Variants in CACNA2D3 observed in about 807,000 individuals in gnomAD.
CACNA2D3 encodes the protein calcium voltage-gated channel auxiliary subunit alpha2delta 3.
In CACNA2D3, 60 loss-of-function variants were observed where a neutral mutation model predicts 160.6. The observed-to-expected ratio is 0.37, with a 90% CI of 0.30 to 0.46. The LOEUF (loss-of-function observed/expected upper bound fraction) is 0.46. Among genes scored for constraint, CACNA2D3 ranks in the 20% least tolerant of loss-of-function variants. CACNA2D3 has a pLI of 1.00. For missense variants in CACNA2D3, 1,205 were observed against 1,365.0 expected, an observed-to-expected ratio of 0.88 and a Z score of 1.85; for synonymous variants, 558 against 492.9, an observed-to-expected ratio of 1.13 and a Z score of -1.75.
chr3:54,435,067 T>C (rs1700040698), intron 4 of CACNA2D3, among the ~76,000 whole-genome samples: 1 of 152,148 alleles, frequency 6.6e-6, no homozygotes, highest in Non-Finnish European at 1.5e-5. Context: ...ATGCCTTTTA[T>C]AGTATACTAC....
intron 5 of CACNA2D3, among the ~76,000 whole-genome samples, chr3:54,542,764 C>T (rs1702001339): frequency 6.6e-6 from 1 of 152,108 alleles, no homozygotes; most frequent in Non-Finnish European, 1.5e-5. Context: ...AGCCCACTGA[C>T]TCAAAATGTT....
intron 20 of CACNA2D3, among the ~76,000 whole-genome samples, chr3:54,880,460 A>C (rs1197411846): frequency 6.6e-6 from 1 of 152,180 alleles, no homozygotes; most frequent in Non-Finnish European, 1.5e-5. Context: ...AATGCAGGAC[A>C]AGGGTGTATA....
intron 14 of CACNA2D3, among the ~76,000 whole-genome samples, chr3:54,822,828 TTTCTTTTCTTTC>T (rs1703664691): frequency 1.2e-5 from 1 of 85,024 alleles, no homozygotes; most frequent in Non-Finnish European, 2.3e-5. Context: ...TCTTTCTTTC[TTTCTTTTCTTTC>T]TTTCTTTCTT....
At chr3:55,023,155 G>T (rs1056283856) in intron 35 of CACNA2D3, among the ~76,000 whole-genome samples, 1 of 152,106 alleles carries the variant, frequency 6.6e-6, no homozygotes, top group Non-Finnish European at 1.5e-5. Flanking sequence ...ATATTTTGAA[G>T]ATATTCCATT....
chr3:54,720,184 CT>C (rs942083049), intron 11 of CACNA2D3, among the ~76,000 whole-genome samples: 3 of 151,546 alleles, frequency 2.0e-5, no homozygotes, highest in Non-Finnish European at 4.4e-5. Flanking sequence ...TAAATTTGAC[CT>C]TTTTTTAGCT....
chr3:54,280,449 G>A (rs890393314), intron 2 of CACNA2D3, among the ~76,000 whole-genome samples: 2 of 152,112 alleles, frequency 1.3e-5, no homozygotes, highest in East Asian at 3.9e-4. Context: ...TGCTGGTGGG[G>A]AGTAGGCAGA....
intron 2 of CACNA2D3, among the ~76,000 whole-genome samples, chr3:54,151,783 C>T (rs1005375063): frequency 2.0e-5 from 3 of 152,186 alleles, no homozygotes; most frequent in Non-Finnish European, 4.4e-5. Flanking sequence ...AGGTGTCATA[C>T]ACAAAGCTAC....
At chr3:54,616,702 A>G (rs1698857967) in intron 9 of CACNA2D3, among the ~76,000 whole-genome samples, 1 of 152,200 alleles carries the variant, frequency 6.6e-6, no homozygotes, top group Non-Finnish European at 1.5e-5. Context: ...TTCTAATATA[A>G]AAAGTTTCTG....
intron 2 of CACNA2D3, among the ~76,000 whole-genome samples, chr3:54,192,255 T>C (rs1489413601): frequency 6.6e-6 from 1 of 152,206 alleles, no homozygotes; most frequent in Admixed American, 6.5e-5. Context: ...ACACAAGTGA[T>C]GTGTTTTGAC....
At chr3:54,928,293 T>C (rs1466499212) in intron 27 of CACNA2D3, among the ~76,000 whole-genome samples, 3 of 152,164 alleles carry the variant, frequency 2.0e-5, no homozygotes, top group Non-Finnish European at 4.4e-5. Flanking sequence ...TGCCTCGGCC[T>C]TTTTGATTAT....
chr3:54,584,568 A>C (rs944800876), intron 9 of CACNA2D3, among the ~76,000 whole-genome samples: 3 of 152,204 alleles, frequency 2.0e-5, no homozygotes, highest in Admixed American at 2.0e-4. Context: ...CATTAATTAC[A>C]TCAAAGTCAT....
intron 12 of CACNA2D3, among the ~76,000 whole-genome samples, chr3:54,761,223 C>G (rs575756599): frequency 3.9e-4 from 59 of 152,260 alleles, no homozygotes; most frequent in Admixed American, 1.1e-3. Flanking sequence ...AGAACTCCTA[C>G]AAGATCCTGT....
rs1379925673 is a variant in CACNA2D3, at chr3:54,763,722, T to C, written c.1247-496T>C. Among the ~76,000 whole-genome samples, 2 of 121,366 alleles carry C rather than the reference T, an allele frequency of 1.6e-5. 1 individual carries two copies. The highest frequency in any genetic ancestry group is 3.7e-5 in the Non-Finnish European group (2 of 54,766). The allele number at this position is 121,366 out of a possible 152,430, so 79.6% of individuals were successfully genotyped here. On this transcript the variant is annotated intron_variant, in intron 12 of 37. Coordinates refer to ENST00000474759, the MANE Select transcript of CACNA2D3 (RefSeq NM_018398.3). Reference sequence around the variant, plus strand: ...GTATATATGTATATATATGTACATATATACATATATATGTGTATATATGTG... The same window carrying C: ...GTATATATGTATATATATGTACATACATACATATATATGTGTATATATGTG...
chr3:54,806,348 A>G (rs1295422038), intron 13 of CACNA2D3, among the ~76,000 whole-genome samples: 5 of 152,306 alleles, frequency 3.3e-5, no homozygotes, highest in Non-Finnish European at 5.9e-5. Context: ...AAGCAACTTC[A>G]GCAAAGTCTC....
chr3:54,296,367 C>G (rs1289620117), intron 2 of CACNA2D3, among the ~76,000 whole-genome samples: 1 of 152,164 alleles, frequency 6.6e-6, no homozygotes, highest in African/African-American at 2.4e-5. Context: ...TACAGCTGGA[C>G]TTGTTGCTTT....
chr3:54,463,564 A>G (rs535437567), intron 4 of CACNA2D3, among the ~76,000 whole-genome samples: 19 of 151,842 alleles, frequency 1.3e-4, no homozygotes, highest in Non-Finnish European at 2.4e-4. Flanking sequence ...AGTTGATCGC[A>G]TCGGCTCCTG....
At chr3:54,745,075 A>C (rs191803821) in intron 11 of CACNA2D3, among the ~76,000 whole-genome samples, 1 of 152,266 alleles carries the variant, frequency 6.6e-6, no homozygotes, top group Non-Finnish European at 1.5e-5. Flanking sequence ...AGGAAGAAGT[A>C]TATTGTATCC....
At chr3:54,870,512 C>G (rs1242628047) in intron 17 of CACNA2D3, among the ~76,000 whole-genome samples, 1 of 152,156 alleles carries the variant, frequency 6.6e-6, no homozygotes, top group Non-Finnish European at 1.5e-5. Flanking sequence ...AATCCTTAGC[C>G]TGCAGCAGAG....
In CACNA2D3 at chr3:54,995,807, T is replaced by C. The variant is rs575733882; in HGVS notation, c.2690+8054T>C. Among the ~76,000 whole-genome samples the C allele has an allele frequency of 9.3e-4, 141 of 152,288 alleles. 1 individual carries two copies. Among genetic ancestry groups the C allele is most frequent in the Admixed American group, 1.4e-3 (21 of 15,298 alleles). On this transcript the variant is annotated intron_variant, in intron 31 of 37. Transcript: ENST00000474759. ...GAAACTACTGATAGTTTCTACCACA[T>C]CCAGCATGCCCCAGTTTGCTTCAAA... is the stretch of plus-strand genomic sequence containing the variant.
Sources: allele counts gnomAD v4.1 joint callset (sites outside exome capture counted in the v4.1 genomes callset), GRCh38; gene constraint gnomAD v4.1.1; transcripts MANE v1.5; gene names NCBI Gene and HGNC (gene_info 2026-07-23, HGNC 2026-07-21).